The following PMPCA variants were observed in gnomAD, a reference collection of about 807,000 sequenced individuals.
The protein encoded by PMPCA is peptidase, mitochondrial processing subunit alpha, also known as mitochondrial-processing peptidase subunit alpha.
A neutral mutation model predicts 59.3 loss-of-function variants in PMPCA; 47 were observed. That is an observed-to-expected ratio of 0.79 (90% CI 0.63 to 1.01). The LOEUF (loss-of-function observed/expected upper bound fraction) is 1.01, where lower values mean the gene tolerates loss of function less well. Among genes scored for constraint, PMPCA ranks in the 50% least tolerant of loss-of-function variants. The pLI is 0.00. For missense variants in PMPCA, 726 were observed against 704.5 expected (o/e 1.03, Z -0.34); for synonymous variants, 338 against 290.3 (o/e 1.16, Z -1.67).
chr9:136,418,915 A>G lies in PMPCA; in HGVS notation c.1197A>G (p.Arg399=), dbSNP rs912821635. Reference sequence around the variant, plus strand: ...GCATCCATGCCAGCGCCGACCCAAGACAGGTGAGGGCCCCGCCTGCCACCG... The same window carrying G: ...GCATCCATGCCAGCGCCGACCCAAGGCAGGTGAGGGCCCCGCCTGCCACCG... ...LLCIHASADP[R]QVREMVEIIT... The change falls in exon 10 of 13, where the codon AGA becomes AGG. Residue 399 remains arginine, a synonymous_variant. Coordinates refer to ENST00000371717, the MANE Select transcript of PMPCA (RefSeq NM_015160.3). The G allele has an allele frequency of 1.2e-6, 2 of 1,613,488 alleles. No homozygotes were observed. Among genetic ancestry groups the G allele is most frequent in the Non-Finnish European group, 1.7e-6 (2 of 1,179,612 alleles).
intron 12 of PMPCA, chr9:136,422,362 C>G: frequency 8.8e-7 from 1 of 1,133,688 alleles, no homozygotes; most frequent in Non-Finnish European, 1.1e-6. Flanking sequence ...TGCTGGCTCT[C>G]GGGCAGGAGT....
At position 136,423,174 on chromosome 9, in the gene PMPCA, C is replaced by A. The variant is rs1402044437; in HGVS notation, c.1488C>A (p.Asp496Glu). 6.2e-7 allele frequency: 1 copy of A among 1,613,688 alleles called. No homozygotes were observed. The highest frequency in any genetic ancestry group is 8.5e-7 in the Non-Finnish European group (1 of 1,180,036). ...AGCCGGCAGTGGCCGCCCTGGGTGA[C>A]CTGACTGACCTGCCCACGTATGAGC... ...RGKPAVAALGDLTDLPTYEHI... is the reference protein window; with the variant it reads ...RGKPAVAALGELTDLPTYEHI... Residue 496 changes from aspartate to glutamate, a missense_variant, in exon 13 of 13, where the codon GAC (aspartate) becomes GAA (glutamate). By Grantham distance (45) the Asp-to-Glu change is conservative (BLOSUM62 2). Transcript: ENST00000371717.
chr9:136,421,300 T>C (rs1200274109), intron 11 of PMPCA, among the ~76,000 whole-genome samples: 1 of 152,140 alleles, frequency 6.6e-6, no homozygotes, highest in African/African-American at 2.4e-5. Flanking sequence ...ATTGCTCCTG[T>C]ATTTCAAGTG....
Position 136,412,515 on chromosome 9 carries a change from T to C in PMPCA, c.300T>C (p.Tyr100=), listed in dbSNP as rs768547567. ...VGILINSGSR[Y]EAKYLSGIAH... ...TTCTTATCAATTCAGGATCGAGATA[T>C]GAAGCGAAATACCTTAGTGGAATTG... The change falls in exon 3 of 13, where the codon TAT becomes TAC. Residue 100 remains tyrosine, a synonymous_variant. Transcript: ENST00000371717. 3.6e-5 allele frequency: 58 copies of C among 1,592,008 alleles called. No individual in the cohort carries two copies. Among genetic ancestry groups the C allele is most frequent in the Non-Finnish European group, 3.9e-5 (45 of 1,161,952 alleles).
chr9:136,422,103 C>A (rs1835471877), intron 12 of PMPCA, 127 bp downstream of exon 12: 1 of 1,545,932 alleles, frequency 6.5e-7, no homozygotes, highest in Non-Finnish European at 8.7e-7. Flanking sequence ...CTGGGGCCTT[C>A]ACCAGTTGTC....
rs1347872415 is a variant in PMPCA, at chr9:136,419,412, T to A, written c.1263+306T>A. 3 of 507,156 alleles carry A rather than the reference T, an allele frequency of 5.9e-6. No homozygotes were observed. The Admixed American group carries it at 9.7e-5, about 16-fold the overall frequency. 31.4% of individuals were successfully genotyped at this position (507,156 alleles called of 1,614,324 possible). Reference sequence around the variant, plus strand: ...ACTGGGTGAGTCGTGGGACTGACCATGTGACTCTCTCAGCTTTGCTGGCGA... The same window carrying A: ...ACTGGGTGAGTCGTGGGACTGACCAAGTGACTCTCTCAGCTTTGCTGGCGA... On this transcript the variant is annotated intron_variant, in intron 11 of 12. Transcript: ENST00000371717.
intron 1 of PMPCA, chr9:136,411,112 G>A: frequency 4.5e-6 from 1 of 223,064 alleles, no homozygotes; most frequent in African/African-American, 2.3e-5. Context: ...CAGGGTCCAG[G>A]CTCTCGGTTG....
At chr9:136,416,674 T>A in intron 6 of PMPCA, 1 of 593,344 alleles carries the variant, frequency 1.7e-6, no homozygotes, top group Non-Finnish European at 3.0e-6. Context: ...CTGAGTCTGC[T>A]GTTTATACAA....
intron 4 of PMPCA, among the ~76,000 whole-genome samples, chr9:136,413,414 G>T (rs1835189908): frequency 6.6e-6 from 1 of 152,138 alleles, no homozygotes; most frequent in African/African-American, 2.4e-5. Flanking sequence ...CAGTGCAGTG[G>T]TCTTTGCATG....
chr9:136,417,985 A>G (rs768525864), intron 7 of PMPCA, 32 bp from the exon 8 acceptor site: 7 of 1,507,390 alleles, frequency 4.6e-6, no homozygotes, highest in Non-Finnish European at 6.5e-6. Context: ...TGTTTTTCAC[A>G]TGGCGACACT....
intron 4 of PMPCA, among the ~76,000 whole-genome samples, chr9:136,413,244 G>C (rs1046090067): frequency 5.9e-5 from 9 of 152,224 alleles, no homozygotes; most frequent in Admixed American, 5.9e-4. Context: ...AGTTGGGAAA[G>C]GAATCATAGG....
chr9:136,419,199 C>T, intron 11 of PMPCA, 93 bp downstream of exon 11: 1 of 1,191,702 alleles, frequency 8.4e-7, no homozygotes, highest in South Asian at 1.2e-5. Flanking sequence ...GGCCTGGTCC[C>T]TGAGCCTCAG....
chr9:136,421,182 C>G lies in PMPCA; in HGVS notation c.1264-650C>G, dbSNP rs572213816. 8.3e-4 allele frequency among the ~76,000 whole-genome samples: 126 copies of G among 152,370 alleles called. 1 individual carries two copies. In the South Asian group the frequency reaches 0.024, roughly 29 times the overall value. ...CCAGAACCTGTGTTTCATTTGTTTTCCCCGATTTTGCCGTGTGGCCACTTT... is the reference window on the plus strand; with the variant it reads ...CCAGAACCTGTGTTTCATTTGTTTTGCCCGATTTTGCCGTGTGGCCACTTT... On this transcript the variant is annotated intron_variant, in intron 11 of 12. Transcript: ENST00000371717.
chr9:136,418,635 G>A lies in PMPCA; in HGVS notation c.1071G>A (p.Lys357=), dbSNP rs1231707978. The A allele has an allele frequency of 1.3e-5, 21 of 1,613,558 alleles. No homozygotes were observed. Among genetic ancestry groups the A allele is most frequent in the Non-Finnish European group, 1.8e-5 (21 of 1,179,538 alleles). ...CCTTCTCGGCTGGTGGGCCCGGCAAGGGCATGTTCTCCAGGCTCTACCTCA... is the reference window on the plus strand; with the variant it reads ...CCTTCTCGGCTGGTGGGCCCGGCAAAGGCATGTTCTCCAGGCTCTACCTCA... ...GGSFSAGGPG[K]GMFSRLYLNV... Residue 357 remains lysine (K), a synonymous_variant, in exon 9 of 13, where the codon AAG becomes AAA. Transcript: ENST00000371717.
chr9:136,422,607 G>A, intron 12 of PMPCA: 1 of 1,008,108 alleles, frequency 9.9e-7, no homozygotes, highest in Non-Finnish European at 1.2e-6. Context: ...CTTCCCTCAG[G>A]AGCCCCCGCT....
intron 2 of PMPCA, 74 bp from the exon 3 acceptor site, chr9:136,412,416 C>G: frequency 1.2e-6 from 1 of 841,242 alleles, no homozygotes; most frequent in Non-Finnish European, 2.0e-6. Context: ...ATATTGACAT[C>G]TTAAAATGTT....
In PMPCA at chr9:136,416,388, T is replaced by C. The variant is rs1481183670; in HGVS notation, c.630T>C (p.His210=). Reference sequence around the variant, plus strand: ...AGCCACTTCTCACCGAGATGATTCATGAAGTAAAATGTCAAACTCGAGAAT... The same window carrying C: ...AGCCACTTCTCACCGAGATGATTCACGAAGTAAAATGTCAAACTCGAGAAT... The part of the protein sequence containing the change: ...DPEPLLTEMI[H]EAAYRENTVG... The change falls in exon 6 of 13, where the codon CAT becomes CAC. Residue 210 remains histidine (H), a synonymous_variant. Transcript: ENST00000371717. 1.9e-6 allele frequency: 3 copies of C among 1,607,926 alleles called. No individual in the cohort carries two copies. The highest frequency in any genetic ancestry group is 2.7e-5 in the African/African-American group (2 of 74,900).
At chr9:136,421,791 C>T (rs1490420717) in intron 11 of PMPCA, 41 bp from the exon 12 acceptor site, 6 of 1,523,254 alleles carry the variant, frequency 3.9e-6, no homozygotes, top group African/African-American at 1.4e-5. Context: ...GAAGGTGGCA[C>T]GGGGCGGGTG....
intron 11 of PMPCA, 115 bp downstream of exon 11, chr9:136,419,221 C>CGGCAGGGCAG (rs747133484): frequency 5.7e-5 from 58 of 1,024,400 alleles, no homozygotes; most frequent in Non-Finnish European, 7.6e-5. Flanking sequence ...GCCAAGGTCC[C>CGGCAGGGCAG]GGCAGGGCAG....
Sources: gnomAD v4.1 joint callset for allele counts (sites outside exome capture counted in the v4.1 genomes callset) on GRCh38, gnomAD v4.1.1 for gene constraint, MANE v1.5 for transcripts, NCBI Gene and HGNC (gene_info 2026-07-23, HGNC 2026-07-21) for gene names.